HLCS: variants seen among roughly 807,000 people sequenced by gnomAD.
The protein encoded by HLCS is holocarboxylase synthetase.
Under a neutral mutation model 75.0 loss-of-function variants are expected in HLCS, and 53 were observed. That is an observed-to-expected ratio of 0.71 (90% confidence interval 0.57 to 0.89). The LOEUF is 0.89. HLCS is among the 40% of genes least tolerant of loss of function. The pLI, the probability that HLCS is intolerant of heterozygous loss-of-function variation, is 0.00. For synonymous variants in HLCS, 431 were observed against 428.6 expected, an observed-to-expected ratio of 1.01 and a Z score of -0.07; for missense variants, 966 against 1,074.0, an observed-to-expected ratio of 0.90 and a Z score of 1.41.
At chr21:36,958,680 T>G (rs751873353) in intron 2 of HLCS, among the ~76,000 whole-genome samples, 1 of 151,856 alleles carries the variant, frequency 6.6e-6, no homozygotes, top group Non-Finnish European at 1.5e-5. Context: ...TCCCAGCTAC[T>G]TGGGAGGGTG....
chr21:36,957,091 G>C (rs950922957), intron 2 of HLCS, among the ~76,000 whole-genome samples: 10 of 149,656 alleles, frequency 6.7e-5, no homozygotes, highest in African/African-American at 2.4e-4. Flanking sequence ...ATTGGTTACT[G>C]ATAGAATCTG....
chr21:36,886,779 T>C (rs2064486237), intron 6 of HLCS, among the ~76,000 whole-genome samples: 1 of 152,156 alleles, frequency 6.6e-6, no homozygotes, highest in South Asian at 2.1e-4. Context: ...TGCCCTTCTA[T>C]CTGAGGACCG....
intron 6 of HLCS, among the ~76,000 whole-genome samples, chr21:36,885,060 A>G (rs1386066798): frequency 6.6e-6 from 1 of 152,250 alleles, no homozygotes; most frequent in Non-Finnish European, 1.5e-5. Context: ...CATATAAGAG[A>G]AACACAAACA....
In HLCS at chr21:36,759,606, C is replaced by G. The variant is rs565636289; in HGVS notation, c.2236+121G>C. The G allele has an allele frequency of 3.5e-4, 249 of 703,896 alleles. 1 individual carries two copies. In the Middle Eastern group the frequency reaches 9.0e-3, roughly 26 times the overall value. The allele number at this position is 703,896 out of a possible 1,614,324, so 43.6% of individuals were successfully genotyped here. A position where few individuals can be genotyped will look rare whatever the true frequency, so the allele number is the denominator to read the frequency against. ...GCATCTATACCCTGCTCCAAAACTA[C>G]AAGACTCAAAGTAACCTCATATGAT... On this transcript the variant is annotated intron_variant, in intron 9 of 10. Transcript: ENST00000674895.
chr21:36,878,982 G>A (rs2064094074), intron 6 of HLCS, among the ~76,000 whole-genome samples: 1 of 14,440 alleles, frequency 6.9e-5, no homozygotes. Context: ...TCTTTAAAGG[G>A]GAACCATGAT....
chr21:36,773,298 G>A (rs2145803655), intron 6 of HLCS, among the ~76,000 whole-genome samples: 2 of 152,368 alleles, frequency 1.3e-5, no homozygotes, highest in East Asian at 3.9e-4. Context: ...AGCTTTCCCA[G>A]GCTGCCATAC....
upstream of HLCS, chr21:36,966,674 G>A (rs1233492636): frequency 3.2e-6 from 3 of 943,280 alleles, no homozygotes; most frequent in Non-Finnish European, 3.8e-6. Flanking sequence ...CGCCTTGCCC[G>A]CCCGCCCCAG....
chr21:36,845,781 C>T lies in HLCS; in HGVS notation c.1892+51079G>A, dbSNP rs1057349232. 2.6e-5 allele frequency among the ~76,000 whole-genome samples: 4 copies of T among 152,186 alleles called. No individual in the cohort carries two copies. The East Asian group carries it at 7.7e-4, about 29-fold the overall frequency. On this transcript the variant is annotated intron_variant, in intron 6 of 10. Transcript: ENST00000674895. Reference sequence around the variant, plus strand: ...TAGGTAAAAAAAAGTCCAAGTATCACAGGCATCAAAATGGCCTCCTCTGGG... The same window carrying T: ...TAGGTAAAAAAAAGTCCAAGTATCATAGGCATCAAAATGGCCTCCTCTGGG...
intron 6 of HLCS, among the ~76,000 whole-genome samples, chr21:36,770,826 G>A (rs1220367279): frequency 6.6e-6 from 1 of 151,422 alleles, no homozygotes; most frequent in Non-Finnish European, 1.5e-5. Context: ...AATTTTTTTT[G>A]GAAAAAAGCA....
intron 5 of HLCS, among the ~76,000 whole-genome samples, chr21:36,902,695 C>G (rs933466439): frequency 2.0e-5 from 3 of 152,068 alleles, no homozygotes; most frequent in Non-Finnish European, 2.9e-5. Context: ...GAGGGAGGAA[C>G]GAACATGACA....
intron 2 of HLCS, among the ~76,000 whole-genome samples, 171 bp from the exon 3 acceptor site, chr21:36,939,165 C>T (rs2067027582): frequency 6.6e-6 from 1 of 152,178 alleles, no homozygotes; most frequent in Non-Finnish European, 1.5e-5. Flanking sequence ...GTTTTGAATT[C>T]AGCATTCTCA....
chr21:36,830,345 C>T (rs1443379484), intron 6 of HLCS, among the ~76,000 whole-genome samples: 7 of 152,226 alleles, frequency 4.6e-5, no homozygotes, highest in African/African-American at 1.7e-4. Flanking sequence ...TAACATCAGC[C>T]TTTTCCCATC....
At chr21:36,963,645 G>C (rs528330326) in intron 1 of HLCS, among the ~76,000 whole-genome samples, 2 of 151,718 alleles carry the variant, frequency 1.3e-5, no homozygotes, top group African/African-American at 4.8e-5. Flanking sequence ...CCAGCTACTC[G>C]GGAGGCTAAG....
At chr21:36,894,102 T>A (rs2064907955) in intron 6 of HLCS, among the ~76,000 whole-genome samples, 1 of 152,094 alleles carries the variant, frequency 6.6e-6, no homozygotes, top group African/African-American at 2.4e-5. Context: ...TCTCATGAGA[T>A]CTGGTTGTTT....
At chr21:36,819,413 G>A (rs1272524428) in intron 6 of HLCS, among the ~76,000 whole-genome samples, 3 of 152,074 alleles carry the variant, frequency 2.0e-5, no homozygotes, top group Admixed American at 6.6e-5. Context: ...TGTATGAATC[G>A]AATATTACAC....
intron 2 of HLCS, chr21:36,947,967 G>A: frequency 3.0e-6 from 3 of 985,408 alleles, no homozygotes; most frequent in Non-Finnish European, 3.6e-6. Flanking sequence ...AAATTGGATG[G>A]AGCAAGGCTG....
rs2062666783 is a variant in HLCS at position 36,842,975 on chromosome 21, T to C, written c.1892+53885A>G. Reference sequence around the variant, plus strand: ...ATCTCTCTGTTGCTTTGCACATGTCTGAAACTGAGCAGTTCTTCCTGCCAT... The same window carrying C: ...ATCTCTCTGTTGCTTTGCACATGTCCGAAACTGAGCAGTTCTTCCTGCCAT... On this transcript the variant is annotated intron_variant, in intron 6 of 10. Coordinates refer to ENST00000674895, the MANE Select transcript of HLCS (RefSeq NM_001352514.2). The surrounding 1 kb of genome is among the most constrained non-coding windows in gnomAD (Gnocchi z 4.2). Among the ~76,000 whole-genome samples, 1 of 152,200 alleles carries C rather than the reference T, an allele frequency of 6.6e-6. No individual in the cohort carries two copies. The highest frequency in any genetic ancestry group is 6.5e-5 in the Admixed American group (1 of 15,280).
intron 6 of HLCS, among the ~76,000 whole-genome samples, chr21:36,875,899 C>A (rs28433522): frequency 0.32 from 48,931 of 151,976 alleles, 8,181 homozygotes; most frequent in Middle Eastern, 0.45. Flanking sequence ...GGCTGTGACA[C>A]CCTCTTTGGG....
chr21:36,871,725 A>C (rs1323950242), intron 6 of HLCS, among the ~76,000 whole-genome samples: 2 of 152,170 alleles, frequency 1.3e-5, no homozygotes, highest in African/African-American at 4.8e-5. Context: ...ATATTCGCAA[A>C]ACATATATCT....
Sources: allele counts gnomAD v4.1 joint callset (sites outside exome capture counted in the v4.1 genomes callset), GRCh38; gene constraint gnomAD v4.1.1; non-coding constraint Gnocchi (gnomAD v3.1); transcripts MANE v1.5; gene names NCBI Gene and HGNC (gene_info 2026-07-23, HGNC 2026-07-21).